DCAF4: variants seen among roughly 807,000 people sequenced by gnomAD.
The protein encoded by DCAF4 is DDB1 and CUL4 associated factor 4, also known as DDB1- and CUL4-associated factor 4.
A neutral mutation model predicts 60.9 loss-of-function variants in DCAF4; 37 were observed. The observed-to-expected ratio is 0.61, with a 90% CI of 0.47 to 0.80. The LOEUF (loss-of-function observed/expected upper bound fraction) is 0.80, where lower values mean the gene tolerates loss of function less well. DCAF4 is among the 30% of genes least tolerant of loss of function. The pLI, the probability that DCAF4 is intolerant of heterozygous loss-of-function variation, is 0.00. For synonymous variants in DCAF4, 243 were observed against 254.8 expected (o/e 0.95, Z 0.44); for missense variants, 577 against 650.0 (o/e 0.89, Z 1.22).
At chr14:72,946,542 G>A (rs1210647696) in intron 7 of DCAF4, among the ~76,000 whole-genome samples, 2 of 152,180 alleles carry the variant, frequency 1.3e-5, no homozygotes, top group Non-Finnish European at 2.9e-5. Flanking sequence ...CCTCAGGACC[G>A]TCCCTCCAGG....
intron 2 of DCAF4, 144 bp from the exon 3 acceptor site, chr14:72,939,658 G>A (rs1889756294): frequency 1.8e-6 from 1 of 569,378 alleles, no homozygotes; most frequent in Non-Finnish European, 3.0e-6. Context: ...ATTTGCAAGA[G>A]GGGATCAGTG....
intron 6 of DCAF4, among the ~76,000 whole-genome samples, chr14:72,944,596 C>CA (rs1280523773): frequency 1.3e-5 from 2 of 152,050 alleles, no homozygotes; most frequent in African/African-American, 2.4e-5. Flanking sequence ...AGTTTGAGAC[C>CA]AGCCTAGGCA....
chr14:72,953,777 T>C (rs1192733008), intron 9 of DCAF4, among the ~76,000 whole-genome samples: 1 of 45,582 alleles, frequency 2.2e-5, no homozygotes, highest in African/African-American at 7.0e-5. Flanking sequence ...TATTTATTTA[T>C]TTATTTGTGT....
chr14:72,951,668 A>G, intron 8 of DCAF4, 130 bp from the exon 9 acceptor site: 1 of 762,388 alleles, frequency 1.3e-6, no homozygotes, highest in East Asian at 2.5e-5. Flanking sequence ...GTGTAAACGC[A>G]TGTTGAATCT....
chr14:72,939,096 G>A (rs912098112), intron 2 of DCAF4, among the ~76,000 whole-genome samples: 3 of 150,278 alleles, frequency 2.0e-5, no homozygotes, highest in Non-Finnish European at 3.0e-5. Flanking sequence ...GCTGACGCCT[G>A]TAATCCCAGC....
Position 72,958,733 on chromosome 14 carries a change from G to GT in DCAF4, c.1416_1417insT (p.Gly473TrpfsTer43), listed in dbSNP as rs1892617831. On this transcript the variant is annotated frameshift_variant, in exon 14 of 14. Coordinates refer to ENST00000358377, the MANE Select transcript of DCAF4 (RefSeq NM_015604.4). LOFTEE classifies it high-confidence loss of function. ...CCAGTGTGGCCTTCTCGTCGCGGCT[G>GT]GGGGGCTCCCGGGGCGCGCCGGGGC... 1 of 1,612,888 alleles carries GT rather than the reference G, an allele frequency of 6.2e-7. No homozygotes were observed. The highest frequency in any genetic ancestry group is 1.1e-5 in the South Asian group (1 of 90,922).
intron 12 of DCAF4, 104 bp from the exon 13 acceptor site, chr14:72,956,282 T>C (rs1053996401): frequency 1.3e-6 from 1 of 773,970 alleles, no homozygotes; most frequent in African/African-American, 1.8e-5. Flanking sequence ...CTTCATGACC[T>C]GCACAGGCCA....
intron 11 of DCAF4, among the ~76,000 whole-genome samples, chr14:72,954,798 C>T (rs1011071940): frequency 6.6e-6 from 1 of 152,018 alleles, no homozygotes; most frequent in Non-Finnish European, 1.5e-5. Context: ...TTCACAGCTC[C>T]CAGGTTATAT....
At position 72,929,911 on chromosome 14, in the gene DCAF4, A is replaced by G; in HGVS notation, c.-9+3368A>G. Reference sequence around the variant, plus strand: ...GTGGCCCTTGTTGAGGCCCACGGCCATAAGGTAGCGCAGAGCCATGGCTGC... The same window carrying G: ...GTGGCCCTTGTTGAGGCCCACGGCCGTAAGGTAGCGCAGAGCCATGGCTGC... On this transcript the variant is annotated intron_variant, in intron 1 of 13. Coordinates refer to ENST00000358377, the MANE Select transcript of DCAF4 (RefSeq NM_015604.4). 4 of 1,369,724 alleles carry G rather than the reference A, an allele frequency of 2.9e-6. No homozygotes were observed. The South Asian group carries it at 4.9e-5, about 17-fold the overall frequency. 84.8% of individuals were successfully genotyped at this position (1,369,724 alleles called of 1,614,324 possible). A position where few individuals can be genotyped will look rare whatever the true frequency, so the allele number is the denominator to read the frequency against.
chr14:72,948,434 T>A (rs1216875432), intron 8 of DCAF4, among the ~76,000 whole-genome samples: 3 of 152,234 alleles, frequency 2.0e-5, no homozygotes, highest in Non-Finnish European at 2.9e-5. Context: ...ATGTGTGTTC[T>A]CTAAATTGCA....
chr14:72,960,917 G>A (rs1190930461), downstream of DCAF4, among the ~76,000 whole-genome samples: 3 of 147,668 alleles, frequency 2.0e-5, no homozygotes, highest in African/African-American at 2.5e-5. Context: ...TCACTCTGTC[G>A]CCCAAGCTGG....
In DCAF4 at chr14:72,941,839, CTTTG is replaced by C. The variant is rs1567307719; in HGVS notation, c.431+18_431+21del. ...AATTACTGCCAGTAAGACAATGCCT[CTTTG>C]TTATGTTTTCTTCATGAATGTTCTT... On this transcript the variant is annotated intron_variant, in intron 5 of 13. Transcript: ENST00000358377. 6.2e-7 allele frequency: 1 copy of C among 1,611,898 alleles called. No individual in the cohort carries two copies. The highest frequency in any genetic ancestry group is 8.5e-7 in the Non-Finnish European group (1 of 1,178,518).
intron 1 of DCAF4, among the ~76,000 whole-genome samples, chr14:72,928,186 A>ATTTTTTTTTTTTTTTTTTTTTTTTT (rs1887902685): frequency 4.6e-5 from 1 of 21,688 alleles, no homozygotes; most frequent in Non-Finnish European, 8.8e-5. Flanking sequence ...GAATCCCCCC[A>ATTTTTTTTTTTTTTTTTTTTTTTTT]CTTTTTTTTT....
chr14:72,941,704 A>G, intron 4 of DCAF4, 41 bp from the exon 5 acceptor site: 2 of 1,578,890 alleles, frequency 1.3e-6, no homozygotes, highest in Non-Finnish European at 1.7e-6. Flanking sequence ...CCTAACAAAT[A>G]AATCTTCATT....
intron 1 of DCAF4, among the ~76,000 whole-genome samples, chr14:72,927,287 C>T (rs148227497): frequency 7.8e-4 from 117 of 150,912 alleles, no homozygotes; most frequent in African/African-American, 2.7e-3. Flanking sequence ...GAAACAATTC[C>T]AAAGTCCCAA....
intron 8 of DCAF4, among the ~76,000 whole-genome samples, chr14:72,951,512 G>A (rs1013425891): frequency 4.6e-5 from 7 of 152,110 alleles, no homozygotes; most frequent in South Asian, 2.1e-4. Context: ...TCAGGAAGCC[G>A]AGGCAGGAGA....
chr14:72,945,104 C>T (rs1182662137), intron 6 of DCAF4, among the ~76,000 whole-genome samples: 1 of 149,808 alleles, frequency 6.7e-6, no homozygotes, highest in Non-Finnish European at 1.5e-5. Context: ...AATTAGCCCA[C>T]ATCCTGAGCG....
At chr14:72,953,054 G>A (rs1436608746) in intron 9 of DCAF4, among the ~76,000 whole-genome samples, 1 of 131,840 alleles carries the variant, frequency 7.6e-6, no homozygotes, top group Non-Finnish European at 1.5e-5. Flanking sequence ...AGGCTGGAGT[G>A]CAATGACACG....
chr14:72,935,664 G>A (rs1889171792), intron 1 of DCAF4, among the ~76,000 whole-genome samples: 1 of 152,180 alleles, frequency 6.6e-6, no homozygotes, highest in African/African-American at 2.4e-5. Context: ...TGCTCTCCCT[G>A]GCCCAAATTG....
Sources: gnomAD v4.1 joint callset for allele counts (sites outside exome capture counted in the v4.1 genomes callset) on GRCh38, gnomAD v4.1.1 for gene constraint, MANE v1.5 for transcripts, NCBI Gene and HGNC (gene_info 2026-07-23, HGNC 2026-07-21) for gene names.